TFB1M: variants seen among roughly 807,000 people sequenced by gnomAD.
TFB1M encodes transcription factor B1, mitochondrial, also known as dimethyladenosine transferase 1, mitochondrial.
TFB1M carries 27 observed loss-of-function variants against 31.1 expected under a neutral mutation model. The observed-to-expected ratio is 0.87, with a 90% CI of 0.64 to 1.20. TFB1M has a LOEUF of 1.20. Ranked by LOEUF, TFB1M falls within the 50% of genes most tolerant of loss-of-function variation. The pLI, the probability that TFB1M is intolerant of heterozygous loss-of-function variation, is 0.00. For missense variants in TFB1M, 394 were observed against 418.7 expected, an observed-to-expected ratio of 0.94 and a Z score of 0.51; for synonymous variants, 166 against 151.8, an observed-to-expected ratio of 1.09 and a Z score of -0.69.
At chr6:155,266,336 G>A (rs1197144621) in intron 5 of TFB1M, among the ~76,000 whole-genome samples, 5 of 152,126 alleles carry the variant, frequency 3.3e-5, no homozygotes, top group African/African-American at 9.7e-5. Context: ...CAAAGCCCTC[G>A]TGTGGGCAGA....
At chr6:155,292,638 C>T (rs1776984752) in intron 4 of TFB1M, among the ~76,000 whole-genome samples, 1 of 151,996 alleles carries the variant, frequency 6.6e-6, no homozygotes, top group Admixed American at 6.5e-5. Flanking sequence ...AACCCAATAC[C>T]ACAAAATCCA....
rs60162262 is a variant in TFB1M, at chr6:155,269,324, C to CTTTTTTTTT, written c.667-8933_667-8925dup. Among the ~76,000 whole-genome samples, 261 of 127,154 alleles carry CTTTTTTTTT rather than the reference C, an allele frequency of 2.1e-3. 6 individuals carry two copies. Among genetic ancestry groups the CTTTTTTTTT allele is most frequent in the Non-Finnish European group, 2.7e-3 (167 of 62,186 alleles). 83.4% of individuals were successfully genotyped at this position (127,154 alleles called of 152,430 possible). On this transcript the variant is annotated intron_variant, in intron 5 of 6. Transcript: ENST00000367166. ...GCTTAGTTTTCTTTTCTTTTCTTTT[C>CTTTTTTTTT]TTTTTTTTTTTTTTTGAGATGGAGT...
downstream of TFB1M, chr6:155,254,387 A>T: frequency 6.2e-7 from 1 of 1,604,718 alleles, no homozygotes; most frequent in Non-Finnish European, 8.5e-7. Context: ...CACTGTGGAC[A>T]CTTCTGCTGT....
Position 155,314,457 on chromosome 6 carries a change from C to A in TFB1M, c.-29G>T, listed in dbSNP as rs201007688. On this transcript the variant is annotated 5_prime_UTR_variant, in exon 1 of 7. Coordinates refer to ENST00000367166, the MANE Select transcript of TFB1M (RefSeq NM_016020.4). ...ACGCGGCAAGCACCATCCAACCCTA[C>A]CTCACCCAGGACCTTCACCGCCGCT... The A allele has an allele frequency of 6.2e-7, 1 of 1,613,754 alleles. No individual in the cohort carries two copies. Among genetic ancestry groups the A allele is most frequent in the Non-Finnish European group, 8.5e-7 (1 of 1,179,936 alleles).
intron 5 of TFB1M, among the ~76,000 whole-genome samples, chr6:155,271,559 T>C (rs923640246): frequency 1.3e-5 from 2 of 152,174 alleles, no homozygotes; most frequent in African/African-American, 2.4e-5. Context: ...AAAATACATA[T>C]GTTAAAAAAC....
intron 5 of TFB1M, among the ~76,000 whole-genome samples, chr6:155,277,171 C>T (rs534623857): frequency 5.9e-5 from 9 of 152,226 alleles, no homozygotes; most frequent in Non-Finnish European, 1.3e-4. Context: ...AGATTAAGTT[C>T]ATTTATCCTA....
intron 4 of TFB1M, among the ~76,000 whole-genome samples, chr6:155,288,510 T>C (rs1776766392): frequency 6.6e-6 from 1 of 152,138 alleles, no homozygotes; most frequent in Non-Finnish European, 1.5e-5. Flanking sequence ...GGCAGAAAAT[T>C]CAAAAATTCA....
the TFB1M span, among the ~76,000 whole-genome samples, chr6:155,240,211 G>A: frequency 6.6e-6 from 1 of 152,260 alleles, no homozygotes; most frequent in Non-Finnish European, 1.5e-5. Context: ...TGATTTCAGA[G>A]CTACCTCACC....
chr6:155,296,795 C>T (rs938584958), intron 4 of TFB1M, among the ~76,000 whole-genome samples, 158 bp downstream of exon 4: 1 of 152,178 alleles, frequency 6.6e-6, no homozygotes, highest in East Asian at 1.9e-4. Flanking sequence ...CTGTCATCAT[C>T]ATCAAAGTTT....
chr6:155,240,097 T>C, the TFB1M span, among the ~76,000 whole-genome samples: 1 of 152,216 alleles, frequency 6.6e-6, no homozygotes, highest in Non-Finnish European at 1.5e-5. Flanking sequence ...TCCGGGCTGT[T>C]CTGTGTGGGA....
At chr6:155,297,226 T>A in intron 3 of TFB1M, 122 bp from the exon 4 acceptor site, 1 of 1,055,748 alleles carries the variant, frequency 9.5e-7, no homozygotes. Context: ...TAAATAGACA[T>A]GGCTAAATTT....
At chr6:155,270,375 A>G (rs1445979138) in intron 5 of TFB1M, among the ~76,000 whole-genome samples, 2 of 152,172 alleles carry the variant, frequency 1.3e-5, no homozygotes, top group Non-Finnish European at 2.9e-5. Context: ...AAAGATTAAT[A>G]TCCCTTTAAT....
chr6:155,264,706 C>G (rs1370531985), intron 5 of TFB1M, among the ~76,000 whole-genome samples: 6 of 152,064 alleles, frequency 3.9e-5, no homozygotes, highest in Non-Finnish European at 8.8e-5. Context: ...CCTCTCAGAG[C>G]AGATGTGGTA....
At chr6:155,232,565 C>G in the TFB1M span, 1 of 152,158 alleles carries the variant, frequency 6.6e-6, no homozygotes, top group Admixed American at 6.5e-5. Flanking sequence ...GCAGCAGAAC[C>G]CTAGTTCTTC....
rs1285210094 is a variant in TFB1M at position 155,305,446 on chromosome 6, A to T, written c.285+5742T>A. Among the ~76,000 whole-genome samples, 3 of 30,360 alleles carry T rather than the reference A, an allele frequency of 9.9e-5. 1 individual carries two copies. The highest frequency in any genetic ancestry group is 1.5e-4 in the African/African-American group (1 of 6,522). 19.9% of individuals were successfully genotyped at this position (30,360 alleles called of 152,430 possible). A position where few individuals can be genotyped will look rare whatever the true frequency, so the allele number is the denominator to read the frequency against. Reference sequence around the variant, plus strand: ...ATATTTATATATATAAATATATATTAAATTATATATTTATATATATAAATA... The same window carrying T: ...ATATTTATATATATAAATATATATTTAATTATATATTTATATATATAAATA... On this transcript the variant is annotated intron_variant, in intron 2 of 6. Coordinates refer to ENST00000367166, the MANE Select transcript of TFB1M (RefSeq NM_016020.4).
chr6:155,254,603 C>G (rs1015840959), downstream of TFB1M: 1 of 1,601,858 alleles, frequency 6.2e-7, no homozygotes, highest in African/African-American at 1.3e-5. Flanking sequence ...TGTGTTTATT[C>G]AACAAAATAT....
chr6:155,235,395 C>T, the TFB1M span, among the ~76,000 whole-genome samples: 5 of 152,212 alleles, frequency 3.3e-5, no homozygotes, highest in African/African-American at 1.2e-4. Context: ...CCCAGGCCTT[C>T]TGACTCTCAT....
At position 155,256,316 on chromosome 6, in the gene TFB1M, C is replaced by G. The variant is rs1784021633; in HGVS notation, c.*1520G>C. ...ACTGTAAACCTAAGTCAAAAATGTC[C>G]ATGTTTTCAGTAGCTACATTTTTGC... On this transcript the variant is annotated 3_prime_UTR_variant, in exon 7 of 7. Transcript: ENST00000367166. 4.1e-6 allele frequency: 4 copies of G among 981,158 alleles called. No individual in the cohort carries two copies. The highest frequency in any genetic ancestry group is 2.8e-5 in the Admixed American group (1 of 35,232). 60.8% of individuals were successfully genotyped at this position (981,158 alleles called of 1,614,324 possible).
At chr6:155,244,055 T>A in the TFB1M span, 1 of 1,614,128 alleles carries the variant, frequency 6.2e-7, no homozygotes, top group Non-Finnish European at 8.5e-7. Flanking sequence ...CACTTCAGAA[T>A]GAGACCTTTC....
Sources: gnomAD v4.1 joint callset for allele counts (sites outside exome capture counted in the v4.1 genomes callset) on GRCh38, gnomAD v4.1.1 for gene constraint, MANE v1.5 for transcripts, NCBI Gene and HGNC (gene_info 2026-07-23, HGNC 2026-07-21) for gene names.